Variants in ELANE observed in about 807,000 individuals in gnomAD.
ELANE encodes neutrophil elastase.
Under a neutral mutation model 20.6 loss-of-function variants are expected in ELANE, and 12 were observed. The ratio of observed to expected loss-of-function variants is 0.58; its 90% CI spans 0.37 to 0.94. The LOEUF is 0.94. Among genes scored for constraint, ELANE ranks in the 40% least tolerant of loss-of-function variants. The pLI is 0.01. For synonymous variants in ELANE, 203 were observed against 177.4 expected, an observed-to-expected ratio of 1.14 and a Z score of -1.15; for missense variants, 388 against 395.2, an observed-to-expected ratio of 0.98 and a Z score of 0.15.
At chr19:854,896 C>T in intron 3 of ELANE, among the ~76,000 whole-genome samples, 1 of 151,158 alleles carries the variant, frequency 6.6e-6, no homozygotes, top group East Asian at 1.9e-4. Context: ...CTCTGTCGCC[C>T]AGGCTGGAGC....
Position 856,011 on chromosome 19 carries a change from C to T in ELANE, c.651C>T (p.Ser217=). The part of the protein sequence containing the change: ...VCNGLIHGIA[S]FVRGGCASGL... ...ACGGGCTAATCCACGGAATTGCCTC[C>T]TTCGTCCGGGGAGGCTGCGCCTCAG... is the stretch of plus-strand genomic sequence containing the variant. Residue 217 remains serine (S), a synonymous_variant, in exon 5 of 5, where the codon TCC becomes TCT. Coordinates refer to ENST00000263621, the MANE Select transcript of ELANE (RefSeq NM_001972.4). 6.2e-7 allele frequency: 1 copy of T among 1,613,556 alleles called. No individual in the cohort carries two copies. Among genetic ancestry groups the T allele is most frequent in the Non-Finnish European group, 8.5e-7 (1 of 1,180,040 alleles).
In ELANE at chr19:852,910, G is replaced by A. The variant is rs1241470202; in HGVS notation, c.102G>A (p.Arg34=). Residue 34 remains arginine, a synonymous_variant, in exon 2 of 5, where the codon CGG becomes CGA. Coordinates refer to ENST00000263621, the MANE Select transcript of ELANE (RefSeq NM_001972.4). ...TALASEIVGG[R]RARPHAWPFM... is the part of the protein sequence containing the mutation. Reference sequence around the variant, plus strand: ...TGGCCTCGGAGATTGTGGGGGGCCGGCGAGCGCGGCCCCACGCGTGGCCCT... The same window carrying A: ...TGGCCTCGGAGATTGTGGGGGGCCGACGAGCGCGGCCCCACGCGTGGCCCT... 48 of 1,596,466 alleles carry A rather than the reference G, an allele frequency of 3.0e-5. No individual in the cohort carries two copies. The highest frequency in any genetic ancestry group is 4.0e-5 in the Non-Finnish European group (47 of 1,177,282).
At chr19:853,104 C>T (rs2035619919) in intron 2 of ELANE, 72 bp downstream of exon 2, 9 of 664,104 alleles carry the variant, frequency 1.4e-5, no homozygotes, top group South Asian at 1.3e-4. Flanking sequence ...GGGGGGAGGC[C>T]GGGGCCGGGG....
chr19:852,416 T>A (rs772431233), intron 1 of ELANE, 21 bp downstream of exon 1: 31 of 1,605,252 alleles, frequency 1.9e-5, no homozygotes, highest in Non-Finnish European at 2.3e-5. Flanking sequence ...GAGTCCAACC[T>A]CCCGCTGCTC....
chr19:853,341 C>G lies in ELANE; in HGVS notation c.304C>G (p.Gln102Glu), dbSNP rs770660263. 6.2e-7 allele frequency: 1 copy of G among 1,611,508 alleles called. No individual in the cohort carries two copies. Among genetic ancestry groups the G allele is most frequent in the South Asian group, 1.1e-5 (1 of 90,948 alleles). Residue 102 changes from glutamine (Q) to glutamate (E), a missense_variant, in exon 3 of 5, where the codon CAG becomes GAG. Coordinates refer to ENST00000263621, the MANE Select transcript of ELANE (RefSeq NM_001972.4). The stretch of plus-strand genomic sequence containing the variant: ...GCCCACCCGGCAGGTGTTCGCCGTG[C>G]AGCGCATCTTCGAAAACGGCTACGA... ...REPTRQVFAV[Q>E]RIFENGYDPV...
At chr19:852,758 C>G in intron 1 of ELANE, 118 bp from the exon 2 acceptor site, 1 of 1,420,860 alleles carries the variant, frequency 7.0e-7, no homozygotes, top group Non-Finnish European at 9.3e-7. Context: ...GTGGGGGATC[C>G]CGTGGGTTCC....
At chr19:854,548 A>G (rs1430660401) in intron 3 of ELANE, among the ~76,000 whole-genome samples, 1 of 151,200 alleles carries the variant, frequency 6.6e-6, no homozygotes, top group Non-Finnish European at 1.5e-5. Context: ...TACAGCCTCC[A>G]TCTCCTGGGC....
At chr19:853,180 G>A (rs1468494642) in intron 2 of ELANE, 82 bp from the exon 3 acceptor site, 15 of 1,499,434 alleles carry the variant, frequency 1.0e-5, no homozygotes, top group Non-Finnish European at 1.1e-5. Context: ...CCTCAGGCCC[G>A]TCGCCGGATG....
chr19:853,205 C>A, intron 2 of ELANE, 57 bp from the exon 3 acceptor site: 1 of 1,530,520 alleles, frequency 6.5e-7, no homozygotes, highest in Non-Finnish European at 8.8e-7. Flanking sequence ...CGACAAGGCG[C>A]GGCTGAGCCC....
Position 853,293 on chromosome 19 carries a change from GC to G in ELANE, c.259del (p.His87IlefsTer26). 6.2e-7 allele frequency: 1 copy of G among 1,609,890 alleles called. No individual in the cohort carries two copies. The highest frequency in any genetic ancestry group is 8.5e-7 in the Non-Finnish European group (1 of 1,178,568). On this transcript the variant is annotated frameshift_variant, in exon 3 of 5. Coordinates refer to ENST00000263621, the MANE Select transcript of ELANE (RefSeq NM_001972.4). LOFTEE classifies it high-confidence loss of function. ...CCGCGCGGTGCGGGTGGTCCTGGGA[GC>G]CCATAACCTCTCGCGGCGGGAGCCC... ...NVRAVRVVLGAHNLSRREPTR... is the reference protein window; with the variant it reads ...NVRAVRVVLGXHNLSRREPTR...
At chr19:854,576 C>T (rs372240325) in intron 3 of ELANE, among the ~76,000 whole-genome samples, 1 of 150,940 alleles carries the variant, frequency 6.6e-6, no homozygotes, top group African/African-American at 2.4e-5. Context: ...ACCCTCTCAG[C>T]TTGGAATGGG....
chr19:853,328 G>GGT lies in ELANE; in HGVS notation c.294_295dup (p.Phe99CysfsTer15). The GGT allele has an allele frequency of 6.2e-7, 1 of 1,610,934 alleles. No individual in the cohort carries two copies. ...TCTCGCGGCGGGAGCCCACCCGGCA[G>GGT]GTGTTCGCCGTGCAGCGCATCTTCG... On this transcript the variant is annotated frameshift_variant, in exon 3 of 5. Coordinates refer to ENST00000263621, the MANE Select transcript of ELANE (RefSeq NM_001972.4). LOFTEE classifies it high-confidence loss of function.
At position 852,818 on chromosome 19, in the gene ELANE, C is replaced by A; in HGVS notation, c.68-58C>A. On this transcript the variant is annotated intron_variant, in intron 1 of 4. Coordinates refer to ENST00000263621, the MANE Select transcript of ELANE (RefSeq NM_001972.4). ...GGTGGGGGATCCAGAGGCCCCGTGG[C>A]CGGGAGGGGACAGGCTCCTTGGCAG... The A allele has an allele frequency of 1.9e-6, 3 of 1,560,212 alleles. No individual in the cohort carries two copies. The East Asian group carries it at 6.8e-5, about 36-fold the overall frequency.
At chr19:854,678 T>C (rs996629617) in intron 3 of ELANE, among the ~76,000 whole-genome samples, 2 of 146,274 alleles carry the variant, frequency 1.4e-5, no homozygotes, top group Non-Finnish European at 3.0e-5. Flanking sequence ...TTATAAATAA[T>C]AAATATATAT....
Position 856,129 on chromosome 19 carries a change from C to A in ELANE, c.769C>A (p.Pro257Thr). Reference protein sequence around the residue: ...QRSEDNPCPHPRDPDPASRTH With the variant: ...QRSEDNPCPHTRDPDPASRTH ...CTCCGAGGACAACCCCTGTCCCCAC[C>A]CCCGGGACCCGGACCCGGCCAGCAG... The change falls in exon 5 of 5, where the codon CCC (proline) becomes ACC (threonine). Residue 257 changes from proline to threonine, a missense_variant. Pro to Thr is a conservative substitution (Grantham distance 38, BLOSUM62 -1). Coordinates refer to ENST00000263621, the MANE Select transcript of ELANE (RefSeq NM_001972.4). 2 of 1,613,038 alleles carry A rather than the reference C, an allele frequency of 1.2e-6. No individual in the cohort carries two copies. The highest frequency in any genetic ancestry group is 1.7e-6 in the Non-Finnish European group (2 of 1,180,030).
At chr19:854,524 C>T (rs945181584) in intron 3 of ELANE, among the ~76,000 whole-genome samples, 1 of 151,124 alleles carries the variant, frequency 6.6e-6, no homozygotes, top group Non-Finnish European at 1.5e-5. Flanking sequence ...TGCAGTGGCG[C>T]GATCGCAGCT....
rs755546229 is a variant in ELANE at position 852,388 on chromosome 19, G to A, written c.60G>A (p.Leu20=). Residue 20 remains leucine (L), a synonymous_variant, in exon 1 of 5, where the codon CTG becomes CTA. Coordinates refer to ENST00000263621, the MANE Select transcript of ELANE (RefSeq NM_001972.4). ...TCGCCTGTGTCCTGCCGGCCTTGCT[G>A]CTGGGGGGTGAGTTTTTGAGTCCAA... The part of the protein sequence containing the change: ...LFLACVLPAL[L]LGGTALASEI... 14 of 1,611,244 alleles carry A rather than the reference G, an allele frequency of 8.7e-6. No homozygotes were observed. The South Asian group carries it at 1.3e-4, about 15-fold the overall frequency.
At chr19:854,582 A>G (rs1204314909) in intron 3 of ELANE, among the ~76,000 whole-genome samples, 1 of 150,746 alleles carries the variant, frequency 6.6e-6, no homozygotes, top group East Asian at 1.9e-4. Flanking sequence ...TCAGCTTGGA[A>G]TGGGGGGTAG....
chr19:855,908 G>A lies in ELANE; in HGVS notation c.598-50G>A. ...TCCCAACCCTGACAGGCGGCGGGCA[G>A]GTGGGCAGGGCCTCGCAGTCCAGCT... On this transcript the variant is annotated intron_variant, in intron 4 of 4. Transcript: ENST00000263621. This position sits in a 1 kb window ranked among gnomAD's most constrained non-coding sequence, Gnocchi z 6.2. 1 of 1,610,448 alleles carries A rather than the reference G, an allele frequency of 6.2e-7. No homozygotes were observed. Among genetic ancestry groups the A allele is most frequent in the South Asian group, 1.1e-5 (1 of 91,032 alleles).
Sources: allele counts gnomAD v4.1 joint callset (sites outside exome capture counted in the v4.1 genomes callset), GRCh38; gene constraint gnomAD v4.1.1; non-coding constraint Gnocchi (gnomAD v3.1); transcripts MANE v1.5; gene names NCBI Gene and HGNC (gene_info 2026-07-23, HGNC 2026-07-21).